Variants in DNM3 observed in about 807,000 individuals in gnomAD.
DNM3 encodes dynamin 3, also known as dynamin-3.
A neutral mutation model predicts 101.6 loss-of-function variants in DNM3; 47 were observed. That is an observed-to-expected ratio of 0.46 (90% CI 0.37 to 0.59). The LOEUF (loss-of-function observed/expected upper bound fraction) is 0.59. Ranked by LOEUF, DNM3 falls within the 20% of genes least tolerant of loss-of-function variation. DNM3 has a pLI of 0.00. For missense variants in DNM3, 849 were observed against 1,085.7 expected (o/e 0.78, Z 3.06); for synonymous variants, 385 against 387.9 (o/e 0.99, Z 0.09).
intron 20 of DNM3, chr1:172,393,013 A>G (rs1380826859): frequency 3.3e-5 from 5 of 152,232 alleles, no homozygotes; most frequent in Non-Finnish European, 7.3e-5. Context: ...AGTAGCATCA[A>G]GATTATTCCA....
At chr1:172,103,002 A>C (rs1161737955) in intron 13 of DNM3, among the ~76,000 whole-genome samples, 1 of 152,334 alleles carries the variant, frequency 6.6e-6, no homozygotes, top group African/African-American at 2.4e-5. Flanking sequence ...ACTTGTATCC[A>C]AAGTACATAA....
intron 20 of DNM3, among the ~76,000 whole-genome samples, chr1:172,406,351 A>G (rs2070883280): frequency 6.6e-6 from 1 of 152,040 alleles, no homozygotes; most frequent in Non-Finnish European, 1.5e-5. Flanking sequence ...TGCGCCCTTC[A>G]GAAACTTCCT....
At chr1:171,927,798 A>G (rs1199537857) in intron 2 of DNM3, among the ~76,000 whole-genome samples, 5 of 152,276 alleles carry the variant, frequency 3.3e-5, no homozygotes, top group East Asian at 3.9e-4. Flanking sequence ...CTGAATCTCA[A>G]TGATCTTTGT....
At chr1:172,262,877 CTTA>C (rs1403923267) in intron 15 of DNM3, among the ~76,000 whole-genome samples, 3 of 151,974 alleles carry the variant, frequency 2.0e-5, no homozygotes, top group Non-Finnish European at 2.9e-5. Context: ...CACCCAAGAT[CTTA>C]TTATTATTAT....
chr1:172,013,135 G>C (rs1411170953), intron 4 of DNM3, among the ~76,000 whole-genome samples: 1 of 151,688 alleles, frequency 6.6e-6, no homozygotes, highest in Non-Finnish European at 1.5e-5. Context: ...TTTCATTGTT[G>C]TTGTTCCAGT....
chr1:171,858,618 C>T (rs1185678110), intron 1 of DNM3, among the ~76,000 whole-genome samples: 1 of 152,086 alleles, frequency 6.6e-6, no homozygotes, highest in East Asian at 1.9e-4. Flanking sequence ...TAATGGAGGC[C>T]CACTCAGTGG....
intron 20 of DNM3, among the ~76,000 whole-genome samples, chr1:172,400,082 A>G (rs1238645266): frequency 1.3e-5 from 2 of 152,180 alleles, no homozygotes; most frequent in African/African-American, 4.8e-5. Flanking sequence ...TGAATTGTGC[A>G]GTCATACAGA....
At chr1:172,139,166 A>G in intron 14 of DNM3, 1 of 313,948 alleles carries the variant, frequency 3.2e-6, no homozygotes, top group East Asian at 1.0e-4. Flanking sequence ...AAAGAGATTA[A>G]ACACAAGGTT....
chr1:172,096,175 C>G (rs781213205), intron 13 of DNM3, among the ~76,000 whole-genome samples: 5 of 152,196 alleles, frequency 3.3e-5, no homozygotes, highest in African/African-American at 4.8e-5. Context: ...ACCCTCCCTT[C>G]CCAATGTCTT....
chr1:172,321,458 G>C (rs1376452243), intron 16 of DNM3, among the ~76,000 whole-genome samples: 1 of 152,150 alleles, frequency 6.6e-6, no homozygotes, highest in South Asian at 2.1e-4. Flanking sequence ...ATAAATTGCT[G>C]CCACACAGAG....
chr1:172,305,870 T>C (rs985093162), intron 15 of DNM3, among the ~76,000 whole-genome samples: 2 of 152,224 alleles, frequency 1.3e-5, no homozygotes, highest in African/African-American at 2.4e-5. Context: ...TAGGTACTGA[T>C]GGAATGTATC....
chr1:171,850,888 A>C (rs2032868472), intron 1 of DNM3, among the ~76,000 whole-genome samples: 1 of 151,902 alleles, frequency 6.6e-6, no homozygotes, highest in Non-Finnish European at 1.5e-5. Context: ...GTGAGTGTCC[A>C]CCAGATTGTA....
intron 13 of DNM3, among the ~76,000 whole-genome samples, chr1:172,109,346 A>G (rs183905367): frequency 9.8e-5 from 15 of 152,320 alleles, no homozygotes; most frequent in African/African-American, 3.6e-4. Context: ...TGGGAACTCA[A>G]CTATCTATAA....
chr1:172,108,597 G>A (rs1017509161), intron 13 of DNM3, among the ~76,000 whole-genome samples: 2 of 152,130 alleles, frequency 1.3e-5, no homozygotes, highest in African/African-American at 4.8e-5. Flanking sequence ...ACTAATTAGG[G>A]AATGAAATGT....
intron 14 of DNM3, among the ~76,000 whole-genome samples, chr1:172,222,408 T>C (rs2060941394): frequency 6.6e-6 from 1 of 152,138 alleles, no homozygotes; most frequent in South Asian, 2.1e-4. Flanking sequence ...CCCCTGGGGC[T>C]TTGCCCCTGG....
At chr1:171,863,810 A>G (rs2034434067) in intron 1 of DNM3, among the ~76,000 whole-genome samples, 2 of 152,166 alleles carry the variant, frequency 1.3e-5, no homozygotes, top group Non-Finnish European at 2.9e-5. Context: ...AACTCTACTT[A>G]CAAGAACTAG....
At chr1:172,133,146 G>T (rs886552291) in intron 14 of DNM3, 3 of 1,367,514 alleles carry the variant, frequency 2.2e-6, no homozygotes, top group Admixed American at 3.3e-5. Flanking sequence ...CTCTGGAGTA[G>T]CTACTGCTGT....
intron 13 of DNM3, among the ~76,000 whole-genome samples, chr1:172,110,633 T>C: frequency 6.6e-6 from 1 of 152,248 alleles, no homozygotes; most frequent in East Asian, 1.9e-4. Flanking sequence ...TTATTAATTT[T>C]GGACATTACT....
At chr1:172,232,900 G>A (rs544040414) in intron 14 of DNM3, among the ~76,000 whole-genome samples, 1 of 152,246 alleles carries the variant, frequency 6.6e-6, no homozygotes, top group South Asian at 2.1e-4. Context: ...TGTGTAGAGG[G>A]AAATTTATAG....
Sources: gnomAD v4.1 joint callset for allele counts (sites outside exome capture counted in the v4.1 genomes callset) on GRCh38, gnomAD v4.1.1 for gene constraint, MANE v1.5 for transcripts, NCBI Gene and HGNC (gene_info 2026-07-23, HGNC 2026-07-21) for gene names.